RAMP1: variants seen among roughly 807,000 people sequenced by gnomAD.
The protein encoded by RAMP1 is receptor activity modifying protein 1, also known as receptor activity-modifying protein 1.
RAMP1 carries 7 observed loss-of-function variants against 8.2 expected under a neutral mutation model. That is an observed-to-expected ratio of 0.85 (90% confidence interval 0.49 to 1.60). The LOEUF (loss-of-function observed/expected upper bound fraction) is 1.60, where lower values mean the gene tolerates loss of function less well. Ranked by LOEUF, RAMP1 falls within the 40% of genes most tolerant of loss-of-function variation. The probability of loss-of-function intolerance (pLI) is 0.00; values close to 1 mark genes in which losing one functional copy is unlikely to be tolerated. For synonymous variants in RAMP1, 92 were observed against 84.7 expected, an observed-to-expected ratio of 1.09 and a Z score of -0.47; for missense variants, 192 against 202.4, an observed-to-expected ratio of 0.95 and a Z score of 0.31.
chr2:237,871,081 C>A (rs2062239739), intron 1 of RAMP1, among the ~76,000 whole-genome samples: 1 of 152,170 alleles, frequency 6.6e-6, no homozygotes, highest in Admixed American at 6.5e-5. Flanking sequence ...ACAACCCGGC[C>A]CTGGCCCACG....
intron 1 of RAMP1, among the ~76,000 whole-genome samples, chr2:237,863,738 T>G (rs1034665725): frequency 9.3e-5 from 14 of 151,136 alleles, no homozygotes; most frequent in African/African-American, 2.7e-4. Context: ...GCTATGGGCC[T>G]GAGTCACAGG....
intron 2 of RAMP1, among the ~76,000 whole-genome samples, chr2:237,904,209 C>G (rs1012701733): frequency 6.7e-6 from 1 of 149,644 alleles, no homozygotes; most frequent in Non-Finnish European, 1.5e-5. Context: ...GTCGGGAGAT[C>G]AAGACCATCC....
At chr2:237,893,770 C>G (rs142646571) in intron 2 of RAMP1, among the ~76,000 whole-genome samples, 2,015 of 151,982 alleles carry the variant, frequency 0.013, 57 homozygotes, top group African/African-American at 0.046. Flanking sequence ...GAAACCCTGT[C>G]TCTACTAAAA....
chr2:237,867,018 T>C (rs2062194285), intron 1 of RAMP1, among the ~76,000 whole-genome samples: 1 of 152,234 alleles, frequency 6.6e-6, no homozygotes, highest in Non-Finnish European at 1.5e-5. Context: ...CGTGAGCCAC[T>C]GTGCCCAGCC....
At chr2:237,873,410 G>A (rs1011576295) in intron 1 of RAMP1, among the ~76,000 whole-genome samples, 20 of 152,192 alleles carry the variant, frequency 1.3e-4, no homozygotes, top group Non-Finnish European at 2.5e-4. Context: ...GTCCCCTGTG[G>A]GGGGCCCGGC....
chr2:237,892,008 G>A (rs955230366), intron 2 of RAMP1, among the ~76,000 whole-genome samples: 2 of 151,972 alleles, frequency 1.3e-5, no homozygotes, highest in Admixed American at 1.3e-4. Context: ...ATTAACATTG[G>A]AATCCCAGCC....
intron 1 of RAMP1, chr2:237,874,597 G>A (rs2062281434): frequency 2.3e-6 from 2 of 883,174 alleles, no homozygotes; most frequent in African/African-American, 3.6e-5. Context: ...AAGCAGGAGG[G>A]GAGTCTGCAG....
chr2:237,859,796 A>G (rs1212265888), intron 1 of RAMP1, 69 bp downstream of exon 1: 3 of 664,914 alleles, frequency 4.5e-6, no homozygotes, highest in South Asian at 1.9e-5. Flanking sequence ...AGGGGAGAGG[A>G]GGGGAGCGGG....
chr2:237,907,946 T>G (rs10199956), intron 2 of RAMP1, among the ~76,000 whole-genome samples: 76,240 of 152,112 alleles, frequency 0.5, 19,725 homozygotes, highest in East Asian at 0.69. Flanking sequence ...AAATGGGTAA[T>G]CCTCTTCTGT....
At chr2:237,875,672 C>A (rs1032257784) in intron 1 of RAMP1, among the ~76,000 whole-genome samples, 6 of 152,190 alleles carry the variant, frequency 3.9e-5, no homozygotes, top group African/African-American at 1.4e-4. Flanking sequence ...CTCTTTGGGA[C>A]CCACTCATGG....
chr2:237,882,303 C>A (rs113340782), intron 2 of RAMP1, among the ~76,000 whole-genome samples: 9 of 152,198 alleles, frequency 5.9e-5, no homozygotes, highest in African/African-American at 1.9e-4. Context: ...GGGTCCTCAC[C>A]GCCTGCTGAA....
At chr2:237,907,252 G>C (rs557573104) in intron 2 of RAMP1, among the ~76,000 whole-genome samples, 1 of 152,250 alleles carries the variant, frequency 6.6e-6, no homozygotes, top group Admixed American at 6.5e-5. Context: ...TCAGCAGTTG[G>C]AGTTTGATGT....
At chr2:237,868,446 C>T (rs142432226) in intron 1 of RAMP1, among the ~76,000 whole-genome samples, 1 of 152,038 alleles carries the variant, frequency 6.6e-6, no homozygotes, top group African/African-American at 2.4e-5. Flanking sequence ...TTTCTAATTC[C>T]CTCTACATCT....
rs2062383402 is a variant in RAMP1, at chr2:237,882,748, T to C, written c.191+5386T>C. Among the ~76,000 whole-genome samples the C allele has an allele frequency of 1.3e-5, 2 of 150,604 alleles. 1 individual carries two copies. Among genetic ancestry groups the C allele is most frequent in the African/African-American group, 4.9e-5 (2 of 40,616 alleles). The stretch of plus-strand genomic sequence containing the variant: ...TGGGCAAGTTTGTCCAAGTAACTAG[T>C]GGAGGGGAAGAGGGCCCTGGAGAGA... On this transcript the variant is annotated intron_variant, in intron 2 of 2. Coordinates refer to ENST00000254661, the MANE Select transcript of RAMP1 (RefSeq NM_005855.4).
chr2:237,889,667 C>T (rs2062469647), intron 2 of RAMP1, among the ~76,000 whole-genome samples: 1 of 152,156 alleles, frequency 6.6e-6, no homozygotes, highest in Non-Finnish European at 1.5e-5. Context: ...TCCAAAAGAA[C>T]TTAAGAATCA....
At chr2:237,870,661 G>C (rs896853761) in intron 1 of RAMP1, among the ~76,000 whole-genome samples, 1 of 152,212 alleles carries the variant, frequency 6.6e-6, no homozygotes, top group East Asian at 1.9e-4. Context: ...AAGAGTGCCG[G>C]TTGACAATGT....
chr2:237,860,794 G>A (rs571010641), intron 1 of RAMP1, among the ~76,000 whole-genome samples: 1 of 152,294 alleles, frequency 6.6e-6, no homozygotes, highest in African/African-American at 2.4e-5. Context: ...TTGTAGCTGG[G>A]GGAGTGGTTC....
chr2:237,908,857 G>A (rs1028542150), intron 2 of RAMP1, among the ~76,000 whole-genome samples: 1 of 152,148 alleles, frequency 6.6e-6, no homozygotes, highest in African/African-American at 2.4e-5. Flanking sequence ...TCTGTGCCCT[G>A]GGGGTGACAG....
chr2:237,864,328 C>T (rs1486334655), intron 1 of RAMP1, among the ~76,000 whole-genome samples: 2 of 140,580 alleles, frequency 1.4e-5, no homozygotes, highest in Admixed American at 1.3e-4. Flanking sequence ...GTGTTTGCTT[C>T]GTAAGGCCTG....
Sources: gnomAD v4.1 joint callset for allele counts (sites outside exome capture counted in the v4.1 genomes callset) on GRCh38, gnomAD v4.1.1 for gene constraint, MANE v1.5 for transcripts, NCBI Gene and HGNC (gene_info 2026-07-23, HGNC 2026-07-21) for gene names.